Variants in CTNND2 observed in about 807,000 individuals in gnomAD.
CTNND2 encodes the protein catenin delta-2.
Under a neutral mutation model 144.4 loss-of-function variants are expected in CTNND2, and 22 were observed. The ratio of observed to expected loss-of-function variants is 0.15; its 90% CI spans 0.11 to 0.22. The LOEUF (loss-of-function observed/expected upper bound fraction) is 0.22. CTNND2 is among the 10% of genes least tolerant of loss of function. CTNND2 has a pLI of 1.00. For synonymous variants in CTNND2, 751 were observed against 695.6 expected (o/e 1.08, Z -1.25); for missense variants, 1,353 against 1,618.8 (o/e 0.84, Z 2.82).
intron 8 of CTNND2, among the ~76,000 whole-genome samples, chr5:11,362,891 C>G (rs867065313): frequency 6.6e-6 from 1 of 152,212 alleles, no homozygotes; most frequent in Non-Finnish European, 1.5e-5. Context: ...GTCTCTGTCA[C>G]GGGCACTCCA....
intron 9 of CTNND2, among the ~76,000 whole-genome samples, chr5:11,257,320 G>T (rs181078936): frequency 6.6e-6 from 1 of 152,202 alleles, no homozygotes; most frequent in Non-Finnish European, 1.5e-5. Context: ...GACTGCAGGA[G>T]TCATGGGAAT....
At position 11,482,139 on chromosome 5, in the gene CTNND2, T is replaced by C. The variant is rs116761248; in HGVS notation, c.288-70070A>G. ...ATGAACTTGATTATGCCGTGGACAC[T>C]ATGGCACTGACCTCAATACCGCAGG... is the stretch of plus-strand genomic sequence containing the variant. On this transcript the variant is annotated intron_variant, in intron 3 of 21. Transcript: ENST00000304623. Among the ~76,000 whole-genome samples, 849 of 152,286 alleles carry C rather than the reference T, an allele frequency of 5.6e-3. 11 individuals carry two copies. The highest frequency in any genetic ancestry group is 0.019 in the African/African-American group (803 of 41,550).
rs562405614 is a variant in CTNND2 at position 11,343,303 on chromosome 5, T to C, written c.1628+3069A>G. On this transcript the variant is annotated intron_variant, in intron 9 of 21. Coordinates refer to ENST00000304623, the MANE Select transcript of CTNND2 (RefSeq NM_001332.4). ...CAAATTATTATTTCAAAATGCAGTA[T>C]TTGCTTAAACACTTCTCACTGAATA... is the stretch of plus-strand genomic sequence containing the variant. Among the ~76,000 whole-genome samples the C allele has an allele frequency of 3.3e-5, 5 of 152,318 alleles. No individual in the cohort carries two copies. The East Asian group carries it at 5.8e-4, about 18-fold the overall frequency.
At chr5:11,099,966 T>G (rs1751727512) in intron 14 of CTNND2, among the ~76,000 whole-genome samples, 1 of 151,714 alleles carries the variant, frequency 6.6e-6, no homozygotes, top group Non-Finnish European at 1.5e-5. Context: ...AGATATTTTA[T>G]GTACATACAT....
chr5:11,385,107 G>A lies in CTNND2; in HGVS notation c.735C>T (p.Pro245=), dbSNP rs1162943241. The A allele has an allele frequency of 1.9e-6, 2 of 1,029,250 alleles. No homozygotes were observed. The highest frequency in any genetic ancestry group is 4.0e-5 in the South Asian group (1 of 25,258). The allele number at this position is 1,029,250 out of a possible 1,614,324, so 63.8% of individuals were successfully genotyped here. The part of the protein sequence containing the change: ...GSAFHLPDAP[P]AAAAAALYYS... Reference sequence around the variant, plus strand: ...AGTAGAGCGCGGCGGCGGCGGCGGCGGGCGGCGCGTCGGGCAGGTGGAAGG... The same window carrying A: ...AGTAGAGCGCGGCGGCGGCGGCGGCAGGCGGCGCGTCGGGCAGGTGGAAGG... Residue 245 remains proline (P), a synonymous_variant, in exon 7 of 22, where the codon CCC becomes CCT. Transcript: ENST00000304623.
intron 5 of CTNND2, among the ~76,000 whole-genome samples, chr5:11,398,184 T>G (rs1363989348): frequency 6.6e-6 from 1 of 152,202 alleles, no homozygotes; most frequent in Non-Finnish European, 1.5e-5. Flanking sequence ...TGGAGTGTAA[T>G]AATACACATA....
intron 6 of CTNND2, among the ~76,000 whole-genome samples, chr5:11,395,918 C>A (rs1201049363): frequency 6.6e-6 from 1 of 152,166 alleles, no homozygotes; most frequent in Non-Finnish European, 1.5e-5. Context: ...TTTTTTGGGG[C>A]CATGTGGCCT....
intron 14 of CTNND2, among the ~76,000 whole-genome samples, chr5:11,105,543 GT>G (rs35872544): frequency 0.33 from 49,946 of 152,048 alleles, 8,353 homozygotes; most frequent in African/African-American, 0.37. Flanking sequence ...CCCTGGTGAA[GT>G]TGTAAAAGAC....
chr5:11,801,276 T>C (rs1330939637), intron 1 of CTNND2, among the ~76,000 whole-genome samples: 2 of 152,186 alleles, frequency 1.3e-5, no homozygotes, highest in Non-Finnish European at 1.5e-5. Context: ...AATGTAATAA[T>C]GAGCAAACTC....
At chr5:11,368,849 T>C (rs1329475774) in intron 7 of CTNND2, among the ~76,000 whole-genome samples, 2 of 152,068 alleles carry the variant, frequency 1.3e-5, no homozygotes, top group African/African-American at 4.8e-5. Context: ...ACAGAGATAA[T>C]AATATAAATG....
intron 11 of CTNND2, among the ~76,000 whole-genome samples, chr5:11,182,755 C>T (rs1735221483): frequency 6.6e-6 from 1 of 152,208 alleles, no homozygotes; most frequent in South Asian, 2.1e-4. Flanking sequence ...ATATGACTGA[C>T]AGACTTTCTG....
intron 2 of CTNND2, among the ~76,000 whole-genome samples, chr5:11,622,980 C>T (rs530634773): frequency 1.1e-4 from 16 of 152,162 alleles, no homozygotes; most frequent in East Asian, 1.9e-4. Flanking sequence ...ATTAACAACA[C>T]GACTGGTTTA....
intron 1 of CTNND2, among the ~76,000 whole-genome samples, chr5:11,865,176 T>G (rs1795703634): frequency 6.6e-6 from 1 of 152,352 alleles, no homozygotes; most frequent in South Asian, 2.1e-4. Flanking sequence ...ATTACAGGCA[T>G]GAGCCACCGT....
intron 1 of CTNND2, among the ~76,000 whole-genome samples, chr5:11,827,255 A>T (rs1426351563): frequency 6.6e-6 from 1 of 152,218 alleles, no homozygotes; most frequent in Non-Finnish European, 1.5e-5. Context: ...AGTCAAAGCG[A>T]GATTATAAAA....
rs559968307 is a variant in CTNND2 at position 11,756,261 on chromosome 5, T to A, written c.38-23989A>T. Among the ~76,000 whole-genome samples, 6 of 151,832 alleles carry A rather than the reference T, an allele frequency of 4.0e-5. No homozygotes were observed. In the East Asian group the frequency reaches 7.7e-4, roughly 20 times the overall value. ...GAAAATTTTTTTAAATATTATAACT[T>A]CTATCTGATCTGAGTAAAAAAAATA... On this transcript the variant is annotated intron_variant, in intron 1 of 21. Transcript: ENST00000304623.
chr5:11,142,846 T>C (rs1407203545), intron 12 of CTNND2, among the ~76,000 whole-genome samples: 1 of 152,064 alleles, frequency 6.6e-6, no homozygotes, highest in Non-Finnish European at 1.5e-5. Context: ...TCTCCTGACC[T>C]CGTGATCCGC....
At chr5:11,005,992 G>C (rs1484508719) in intron 18 of CTNND2, among the ~76,000 whole-genome samples, 2 of 152,104 alleles carry the variant, frequency 1.3e-5, no homozygotes, top group Non-Finnish European at 2.9e-5. Context: ...AGATGGTAGT[G>C]GTTTGTGAAG....
chr5:11,734,422 G>A (rs1358272112), intron 1 of CTNND2, among the ~76,000 whole-genome samples: 1 of 152,162 alleles, frequency 6.6e-6, no homozygotes, highest in Non-Finnish European at 1.5e-5. Flanking sequence ...CTGTTCTCAT[G>A]ACAGTGAATA....
chr5:11,626,749 T>C (rs531344322), intron 2 of CTNND2, among the ~76,000 whole-genome samples: 1 of 152,190 alleles, frequency 6.6e-6, no homozygotes, highest in South Asian at 2.1e-4. Context: ...TTTTCTAAAA[T>C]GAAATATTTG....
Sources: gnomAD v4.1 joint callset for allele counts (sites outside exome capture counted in the v4.1 genomes callset) on GRCh38, gnomAD v4.1.1 for gene constraint, MANE v1.5 for transcripts, NCBI Gene and HGNC (gene_info 2026-07-23, HGNC 2026-07-21) for gene names.